Variants in TP63 observed in about 807,000 individuals in gnomAD.
TP63 encodes tumor protein p63, also known as tumor protein 63.
A neutral mutation model predicts 82.8 loss-of-function variants in TP63; 17 were observed. That is an observed-to-expected ratio of 0.21 (90% CI 0.14 to 0.31). The LOEUF (loss-of-function observed/expected upper bound fraction) is 0.31, where lower values mean the gene tolerates loss of function less well. Ranked by LOEUF, TP63 falls within the 10% of genes least tolerant of loss-of-function variation. The pLI is 1.00. For synonymous variants in TP63, 330 were observed against 321.7 expected (o/e 1.03, Z -0.28); for missense variants, 648 against 895.3 (o/e 0.72, Z 3.52).
At chr3:189,727,814 G>T (rs1373800821) in intron 1 of TP63, among the ~76,000 whole-genome samples, 2 of 152,140 alleles carry the variant, frequency 1.3e-5, no homozygotes, top group Non-Finnish European at 2.9e-5. Flanking sequence ...ATTCTAATTT[G>T]GGGGCAGTTT....
intron 4 of TP63, among the ~76,000 whole-genome samples, chr3:189,848,420 T>C (rs1476428387): frequency 6.6e-6 from 1 of 151,762 alleles, no homozygotes; most frequent in African/African-American, 2.4e-5. Flanking sequence ...AGTCTTCTTG[T>C]ATTGCCCAGA....
intron 4 of TP63, among the ~76,000 whole-genome samples, chr3:189,837,658 T>C (rs1713349828): frequency 6.6e-6 from 1 of 152,184 alleles, no homozygotes; most frequent in Admixed American, 6.5e-5. Flanking sequence ...TTTATTTTGT[T>C]TTGTTTTCTT....
chr3:189,774,218 G>A (rs778878352), intron 3 of TP63, among the ~76,000 whole-genome samples: 16 of 152,104 alleles, frequency 1.1e-4, no homozygotes, highest in African/African-American at 3.1e-4. Context: ...CACCACGCCC[G>A]GCCGTATTCT....
At chr3:189,673,172 A>G (rs1256128458) in intron 1 of TP63, among the ~76,000 whole-genome samples, 1 of 152,158 alleles carries the variant, frequency 6.6e-6, no homozygotes, top group Non-Finnish European at 1.5e-5. Context: ...TCATCTGAAT[A>G]GATGCAGCAA....
At chr3:189,702,005 G>C (rs920875425) in intron 1 of TP63, among the ~76,000 whole-genome samples, 1 of 152,136 alleles carries the variant, frequency 6.6e-6, no homozygotes, top group African/African-American at 2.4e-5. Flanking sequence ...AAATTCCTGA[G>C]GGCAAATGCA....
intron 1 of TP63, among the ~76,000 whole-genome samples, chr3:189,686,714 T>TA (rs1716466992): frequency 9.7e-5 from 2 of 20,594 alleles, no homozygotes; most frequent in African/African-American, 3.8e-4. Context: ...ACTCAGGGGG[T>TA]GGGGGGCAGG....
intron 3 of TP63, among the ~76,000 whole-genome samples, chr3:189,760,503 C>T (rs1722487312): frequency 6.6e-6 from 1 of 152,232 alleles, no homozygotes; most frequent in South Asian, 2.1e-4. Context: ...CTCTCACATC[C>T]AGATCACGCT....
the TP63 span, among the ~76,000 whole-genome samples, chr3:189,622,353 AAAATGTGGTCAT>A: frequency 1.3e-5 from 2 of 152,198 alleles, no homozygotes; most frequent in African/African-American, 2.4e-5. Context: ...GTCAAAAGCA[AAAATGTGGTCAT>A]AAATGTCAGG....
the TP63 span, among the ~76,000 whole-genome samples, chr3:189,624,065 T>G: frequency 1.3e-5 from 2 of 152,216 alleles, no homozygotes; most frequent in Non-Finnish European, 2.9e-5. Flanking sequence ...TTTTGTCTTA[T>G]TTTACTTACC....
At chr3:189,734,824 C>T (rs957179121) in intron 1 of TP63, among the ~76,000 whole-genome samples, 6 of 152,134 alleles carry the variant, frequency 3.9e-5, no homozygotes, top group African/African-American at 1.4e-4. Flanking sequence ...ATGCCTTGAC[C>T]TTTTCCAACC....
chr3:189,754,228 AT>A (rs1443114690), intron 3 of TP63, among the ~76,000 whole-genome samples: 1 of 152,094 alleles, frequency 6.6e-6, no homozygotes, highest in Non-Finnish European at 1.5e-5. Context: ...AGTTTGCTAA[AT>A]TTTGAATTGA....
At chr3:189,616,629 T>C in the TP63 span, among the ~76,000 whole-genome samples, 1 of 152,230 alleles carries the variant, frequency 6.6e-6, no homozygotes, top group Admixed American at 6.5e-5. Context: ...CTGGTCCTGC[T>C]TGGGCTCAAT....
intron 1 of TP63, among the ~76,000 whole-genome samples, chr3:189,734,122 CT>C (rs1720380033): frequency 2.1e-5 from 3 of 144,338 alleles, no homozygotes; most frequent in East Asian, 4.0e-4. Context: ...CTCTCTCTTT[CT>C]CTCTTTCCCT....
At chr3:189,600,587 A>G in the TP63 span, among the ~76,000 whole-genome samples, 2 of 152,104 alleles carry the variant, frequency 1.3e-5, no homozygotes, top group African/African-American at 4.8e-5. Context: ...AAGCTTCCAA[A>G]TTCATTCTCT....
At position 189,872,951 on chromosome 3, in the gene TP63, C is replaced by T; in HGVS notation, c.1305C>T (p.Tyr435=). 1 of 1,614,148 alleles carries T rather than the reference C, an allele frequency of 6.2e-7. No individual in the cohort carries two copies. The highest frequency in any genetic ancestry group is 8.5e-7 in the Non-Finnish European group (1 of 1,180,026). ...TTCCTCAGCACACAATTGAAACGTA[C>T]AGGCAACAGCAACAGCAGCAGCACC... ...QYLPQHTIET[Y]RQQQQQQHQH... Residue 435 remains tyrosine, a synonymous_variant, in exon 10 of 14, where the codon TAC becomes TAT. Coordinates refer to ENST00000264731, the MANE Select transcript of TP63 (RefSeq NM_003722.5).
At chr3:189,732,370 A>G (rs1720235768) in intron 1 of TP63, among the ~76,000 whole-genome samples, 1 of 152,188 alleles carries the variant, frequency 6.6e-6, no homozygotes, top group South Asian at 2.1e-4. Context: ...GAAGAAAATG[A>G]GTGGTGATGA....
At chr3:189,755,332 A>G (rs1354956200) in intron 3 of TP63, among the ~76,000 whole-genome samples, 1 of 152,178 alleles carries the variant, frequency 6.6e-6, no homozygotes, top group Non-Finnish European at 1.5e-5. Context: ...TATGAAAGCA[A>G]TACAACCAAC....
intron 4 of TP63, among the ~76,000 whole-genome samples, chr3:189,842,276 C>T (rs1332645043): frequency 2.6e-5 from 4 of 151,960 alleles, no homozygotes; most frequent in African/African-American, 7.3e-5. Flanking sequence ...TAAAGCTCTC[C>T]GATCTGCCCA....
intron 3 of TP63, among the ~76,000 whole-genome samples, chr3:189,760,048 C>T (rs2108536477): frequency 6.6e-6 from 1 of 152,288 alleles, no homozygotes; most frequent in African/African-American, 2.4e-5. Context: ...AGACCCGCCC[C>T]TATGATTCAA....
Sources: gnomAD v4.1 joint callset for allele counts (sites outside exome capture counted in the v4.1 genomes callset) on GRCh38, gnomAD v4.1.1 for gene constraint, MANE v1.5 for transcripts, NCBI Gene and HGNC (gene_info 2026-07-23, HGNC 2026-07-21) for gene names.